The following PHACTR1 variants were observed in gnomAD, a reference collection of about 807,000 sequenced individuals.
The protein encoded by PHACTR1 is phosphatase and actin regulator 1.
PHACTR1 carries 16 observed loss-of-function variants against 69.2 expected under a neutral mutation model. That is an observed-to-expected ratio of 0.23 (90% CI 0.16 to 0.35). The LOEUF (loss-of-function observed/expected upper bound fraction) is 0.35. PHACTR1 is among the 10% of genes least tolerant of loss of function. PHACTR1 has a pLI of 1.00. For synonymous variants in PHACTR1, 312 were observed against 284.5 expected (o/e 1.10, Z -0.97); for missense variants, 510 against 734.7 (o/e 0.69, Z 3.54).
intron 4 of PHACTR1, among the ~76,000 whole-genome samples, chr6:12,948,036 T>TCA (rs1790869232): frequency 6.6e-6 from 1 of 152,234 alleles, no homozygotes; most frequent in Non-Finnish European, 1.5e-5. Flanking sequence ...CTCTGTTGGC[T>TCA]CATTGTAGTT....
At chr6:12,793,609 A>T (rs899201380) in intron 4 of PHACTR1, among the ~76,000 whole-genome samples, 5 of 152,240 alleles carry the variant, frequency 3.3e-5, no homozygotes, top group African/African-American at 1.2e-4. Context: ...CCAAACTCAG[A>T]AAAGAAGAAT....
chr6:12,811,877 G>A lies in PHACTR1; in HGVS notation c.250+62087G>A, dbSNP rs9472618. On this transcript the variant is annotated intron_variant, in intron 4 of 14. Transcript: ENST00000332995. ...TGGCAGCCGACACAGGGCTCAGCTCGTGGTAAGATTTCATTAAGGATGTCA... is the reference window on the plus strand; with the variant it reads ...TGGCAGCCGACACAGGGCTCAGCTCATGGTAAGATTTCATTAAGGATGTCA... Among the ~76,000 whole-genome samples, 816 of 152,206 alleles carry A rather than the reference G, an allele frequency of 5.4e-3. 10 individuals are homozygous for A. Among genetic ancestry groups the A allele is most frequent in the African/African-American group, 0.018 (760 of 41,516 alleles).
At chr6:12,831,915 C>T (rs894701264) in intron 4 of PHACTR1, among the ~76,000 whole-genome samples, 2 of 152,110 alleles carry the variant, frequency 1.3e-5, no homozygotes, top group Admixed American at 6.5e-5. Flanking sequence ...GTGATCTGAA[C>T]ACCCTCCTCA....
chr6:13,269,869 C>T (rs1020892133), intron 10 of PHACTR1, among the ~76,000 whole-genome samples: 27 of 152,180 alleles, frequency 1.8e-4, no homozygotes, highest in Non-Finnish European at 3.2e-4. Context: ...TTTCACTCTA[C>T]TCTCACACTT....
At position 13,225,130 on chromosome 6, in the gene PHACTR1, C is replaced by A. The variant is rs1769383814; in HGVS notation, c.987-2686C>A. The stretch of plus-strand genomic sequence containing the variant: ...GCTCTCCTGTGGTTCTCCATAGTTA[C>A]AAAAGGGGTGGATTTATCGGGGCAT... On this transcript the variant is annotated intron_variant, in intron 8 of 14. Transcript: ENST00000332995. 2.0e-5 allele frequency among the ~76,000 whole-genome samples: 3 copies of A among 152,182 alleles called. No individual in the cohort carries two copies. In the South Asian group the frequency reaches 6.2e-4, roughly 32 times the overall value.
chr6:12,760,440 G>A (rs1767897666), intron 4 of PHACTR1, among the ~76,000 whole-genome samples: 2 of 152,118 alleles, frequency 1.3e-5, no homozygotes, highest in Admixed American at 6.5e-5. Context: ...AAATGGCCAC[G>A]TGGAAATGAG....
At chr6:12,825,573 A>G (rs2026457) in intron 4 of PHACTR1, among the ~76,000 whole-genome samples, 73,095 of 152,078 alleles carry the variant, frequency 0.48, 20,127 homozygotes, top group East Asian at 0.81. Context: ...GTGATGATCA[A>G]TCTCATCATT....
At chr6:12,801,009 A>G (rs1329508151) in intron 4 of PHACTR1, among the ~76,000 whole-genome samples, 1 of 152,230 alleles carries the variant, frequency 6.6e-6, no homozygotes, top group Non-Finnish European at 1.5e-5. Flanking sequence ...ACATGAAGTT[A>G]TTGGGAAAAC....
chr6:13,203,291 C>T (rs1765472370), intron 7 of PHACTR1, among the ~76,000 whole-genome samples: 1 of 152,226 alleles, frequency 6.6e-6, no homozygotes, highest in Non-Finnish European at 1.5e-5. Flanking sequence ...TAATAAATTA[C>T]ACACTGTCAC....
At chr6:13,008,846 T>C (rs139083842) in intron 4 of PHACTR1, among the ~76,000 whole-genome samples, 1 of 152,226 alleles carries the variant, frequency 6.6e-6, no homozygotes. Context: ...ATATTGTTGA[T>C]GTTTAGGGAG....
intron 4 of PHACTR1, among the ~76,000 whole-genome samples, chr6:12,948,836 T>C (rs1790955603): frequency 6.6e-6 from 1 of 152,234 alleles, no homozygotes; most frequent in South Asian, 2.1e-4. Context: ...TTTAGTGATA[T>C]ATTAAATTTT....
At chr6:12,742,482 A>G (rs1047670522) in intron 3 of PHACTR1, among the ~76,000 whole-genome samples, 17 of 151,716 alleles carry the variant, frequency 1.1e-4, no homozygotes, top group African/African-American at 2.7e-4. Flanking sequence ...CTTTACCACA[A>G]CCTGTTTTAT....
chr6:13,175,366 G>A (rs530617201), intron 6 of PHACTR1, among the ~76,000 whole-genome samples: 11 of 152,282 alleles, frequency 7.2e-5, no homozygotes, highest in African/African-American at 2.6e-4. Context: ...AGGAAGTCAG[G>A]CATCATCCAA....
chr6:13,133,813 C>T (rs1240983903), intron 5 of PHACTR1, among the ~76,000 whole-genome samples: 1 of 149,568 alleles, frequency 6.7e-6, no homozygotes, highest in Non-Finnish European at 1.5e-5. Context: ...AAGTGAGGAG[C>T]GTCTCTGCCC....
intron 3 of PHACTR1, among the ~76,000 whole-genome samples, chr6:12,726,600 C>A (rs1762826687): frequency 6.6e-6 from 1 of 152,166 alleles, no homozygotes; most frequent in African/African-American, 2.4e-5. Context: ...GAAGCCTGGC[C>A]ATGGTGTTTT....
At chr6:12,952,238 C>G (rs1181248734) in intron 4 of PHACTR1, among the ~76,000 whole-genome samples, 1 of 152,216 alleles carries the variant, frequency 6.6e-6, no homozygotes, top group African/African-American at 2.4e-5. Context: ...ACATCATCAT[C>G]ACCCAGAGTC....
rs369125089 is a variant in PHACTR1, at chr6:13,205,861, G to A, written c.711G>A (p.Ser237=). 3.3e-5 allele frequency: 53 copies of A among 1,596,172 alleles called. No homozygotes were observed. In the African/African-American group the frequency reaches 3.7e-4, roughly 11 times the overall value. The change falls in exon 8 of 15, where the codon TCG becomes TCA. Residue 237 remains serine (S), a synonymous_variant. Transcript: ENST00000332995. The stretch of plus-strand genomic sequence containing the variant: ...TGCCTTGTCTGCCAGTGAAACTGTC[G>A]CCTCCGCTACCTCCAAAGAAAGTCA... The part of the protein sequence containing the change: ...VKLPCLPVKL[S]PPLPPKKVMI...
intron 4 of PHACTR1, among the ~76,000 whole-genome samples, chr6:12,817,706 T>C (rs192156409): frequency 1.8e-4 from 28 of 152,346 alleles, no homozygotes; most frequent in Admixed American, 5.2e-4. Context: ...AGGTGGAAGA[T>C]GTGGGTTATA....
At position 12,965,451 on chromosome 6, in the gene PHACTR1, CTTTTTTT is replaced by C. The variant is rs55640152; in HGVS notation, c.251-87903_251-87897del. Among the ~76,000 whole-genome samples, 3 of 131,954 alleles carry C rather than the reference CTTTTTTT, an allele frequency of 2.3e-5. No homozygotes were observed. The South Asian group carries it at 7.4e-4, about 33-fold the overall frequency. The allele number at this position is 131,954 out of a possible 152,430, so 86.6% of individuals were successfully genotyped here. A position where few individuals can be genotyped will look rare whatever the true frequency, so the allele number is the denominator to read the frequency against. On this transcript the variant is annotated intron_variant, in intron 4 of 14. Transcript: ENST00000332995. ...GTCTTTTTCACAGTCTATTTTGTGC[CTTTTTTT>C]TTTTTTTTTTGCATTTTGGTGCTTT...
Sources: gnomAD v4.1 joint callset for allele counts (sites outside exome capture counted in the v4.1 genomes callset) on GRCh38, gnomAD v4.1.1 for gene constraint, MANE v1.5 for transcripts, NCBI Gene and HGNC (gene_info 2026-07-23, HGNC 2026-07-21) for gene names.